GPC6: variants seen among roughly 807,000 people sequenced by gnomAD.
GPC6 encodes the protein glypican 6, also known as glypican-6.
GPC6 carries 14 observed loss-of-function variants against 55.2 expected under a neutral mutation model. The ratio of observed to expected loss-of-function variants is 0.25; its 90% CI spans 0.17 to 0.40. GPC6 has a LOEUF of 0.40. Ranked by LOEUF, GPC6 falls within the 10% of genes least tolerant of loss-of-function variation. The pLI is 1.00. For synonymous variants in GPC6, 278 were observed against 259.6 expected (o/e 1.07, Z -0.68); for missense variants, 641 against 708.5 (o/e 0.90, Z 1.08).
At chr13:94,268,616 T>C (rs765399172) in intron 4 of GPC6, among the ~76,000 whole-genome samples, 1 of 152,194 alleles carries the variant, frequency 6.6e-6, no homozygotes, top group Non-Finnish European at 1.5e-5. Context: ...GACTCTATCA[T>C]CAAATAGCAG....
intron 3 of GPC6, among the ~76,000 whole-genome samples, chr13:93,849,918 G>A (rs1236545499): frequency 6.6e-6 from 1 of 150,980 alleles, no homozygotes; most frequent in Non-Finnish European, 1.5e-5. Context: ...GAAATAAAGG[G>A]AGAAGCAACT....
chr13:93,831,556 C>CT (rs34397604), intron 3 of GPC6, among the ~76,000 whole-genome samples: 36,682 of 147,354 alleles, frequency 0.25, 4,726 homozygotes, highest in East Asian at 0.34. Flanking sequence ...TACAATGCTT[C>CT]TTTTTTTTTT....
intron 3 of GPC6, among the ~76,000 whole-genome samples, chr13:93,958,502 T>C (rs1261163149): frequency 1.3e-5 from 2 of 152,218 alleles, no homozygotes; most frequent in Non-Finnish European, 2.9e-5. Flanking sequence ...CATCAGATGG[T>C]TATAAATGTT....
intron 2 of GPC6, among the ~76,000 whole-genome samples, chr13:93,614,821 A>G (rs1878647678): frequency 6.6e-6 from 1 of 152,216 alleles, no homozygotes; most frequent in Non-Finnish European, 1.5e-5. Context: ...AATATTTAGC[A>G]AAGACAGAAT....
intron 1 of GPC6, among the ~76,000 whole-genome samples, chr13:93,340,017 G>GTTTT (rs1880188567): frequency 8.4e-6 from 1 of 118,376 alleles, no homozygotes; most frequent in Non-Finnish European, 1.8e-5. Context: ...AAAAACAAAA[G>GTTTT]TTTTCTTTCT....
chr13:94,402,687 A>T (rs1881193497), intron 8 of GPC6, among the ~76,000 whole-genome samples: 1 of 152,354 alleles, frequency 6.6e-6, no homozygotes, highest in East Asian at 1.9e-4. Context: ...CTCACAGTTC[A>T]GCATGGCTGG....
intron 1 of GPC6, among the ~76,000 whole-genome samples, chr13:93,366,041 G>A (rs548611637): frequency 6.6e-6 from 1 of 151,978 alleles, no homozygotes. Context: ...CCAAGTAGTG[G>A]GGTGAGAGAT....
intron 3 of GPC6, among the ~76,000 whole-genome samples, chr13:93,844,065 G>A (rs1296940399): frequency 6.6e-6 from 1 of 152,162 alleles, no homozygotes; most frequent in Non-Finnish European, 1.5e-5. Context: ...TTCACTCACA[G>A]TTATTGTTCA....
chr13:93,791,453 A>T (rs1468448189), intron 2 of GPC6, among the ~76,000 whole-genome samples: 1 of 152,226 alleles, frequency 6.6e-6, no homozygotes, highest in African/African-American at 2.4e-5. Context: ...TTAAAGTGAA[A>T]GGCAGTTATT....
chr13:93,383,287 C>T (rs528859665), intron 1 of GPC6, among the ~76,000 whole-genome samples: 35 of 152,334 alleles, frequency 2.3e-4, no homozygotes, highest in African/African-American at 8.2e-4. Context: ...ACATGGCTCA[C>T]TGCAGCCCTG....
At chr13:93,548,954 T>C (rs894869440) in intron 2 of GPC6, among the ~76,000 whole-genome samples, 5 of 152,174 alleles carry the variant, frequency 3.3e-5, no homozygotes, top group Non-Finnish European at 7.4e-5. Flanking sequence ...AGGTATTTGT[T>C]GTTTTGCTTT....
intron 6 of GPC6, among the ~76,000 whole-genome samples, chr13:94,327,669 A>C (rs772632136): frequency 3.3e-5 from 5 of 151,552 alleles, no homozygotes; most frequent in Non-Finnish European, 4.4e-5. Flanking sequence ...ACATTGACTA[A>C]AAATATAGAT....
intron 1 of GPC6, among the ~76,000 whole-genome samples, chr13:93,386,058 G>A (rs1461797453): frequency 6.7e-6 from 1 of 148,612 alleles, no homozygotes; most frequent in Non-Finnish European, 1.5e-5. Flanking sequence ...ACCCTCACTG[G>A]GTAATCTGGG....
chr13:94,077,666 T>A (rs987924740), intron 4 of GPC6, among the ~76,000 whole-genome samples: 3 of 151,962 alleles, frequency 2.0e-5, no homozygotes, highest in Middle Eastern at 3.4e-3. Context: ...TTATTGAGCA[T>A]TTTTCATTAT....
chr13:94,175,837 G>A (rs929353461), intron 4 of GPC6, among the ~76,000 whole-genome samples: 3 of 147,358 alleles, frequency 2.0e-5, no homozygotes, highest in Non-Finnish European at 4.5e-5. Flanking sequence ...ATATACATGT[G>A]TATATATAAA....
chr13:94,271,771 C>G (rs1892035183), intron 4 of GPC6, among the ~76,000 whole-genome samples: 2 of 152,112 alleles, frequency 1.3e-5, no homozygotes, highest in Admixed American at 1.3e-4. Flanking sequence ...GTCTCCCCCT[C>G]CCTTTTTCTC....
At chr13:93,639,785 G>A (rs1257698518) in intron 2 of GPC6, among the ~76,000 whole-genome samples, 1 of 152,054 alleles carries the variant, frequency 6.6e-6, no homozygotes, top group South Asian at 2.1e-4. Flanking sequence ...TCTAAGCCGA[G>A]AACATTGGTA....
intron 2 of GPC6, among the ~76,000 whole-genome samples, chr13:93,643,884 T>A (rs1173917755): frequency 6.6e-6 from 1 of 152,068 alleles, no homozygotes; most frequent in African/African-American, 2.4e-5. Context: ...GCCATGATGC[T>A]TTCCCAGGCA....
intron 3 of GPC6, among the ~76,000 whole-genome samples, chr13:93,886,407 G>C (rs533828173): frequency 2.0e-5 from 3 of 151,968 alleles, no homozygotes; most frequent in Non-Finnish European, 4.4e-5. Flanking sequence ...GCTGTCCCCA[G>C]TGCAGATTCT....
Sources: allele counts gnomAD v4.1 joint callset (sites outside exome capture counted in the v4.1 genomes callset), GRCh38; gene constraint gnomAD v4.1.1; transcripts MANE v1.5; gene names NCBI Gene and HGNC (gene_info 2026-07-23, HGNC 2026-07-21).